The following INTS14 variants were observed in gnomAD, a reference collection of about 807,000 sequenced individuals.
INTS14 encodes UPF0464 protein C15orf44.
In INTS14, 27 loss-of-function variants were observed where a neutral mutation model predicts 56.9. That is an observed-to-expected ratio of 0.47 (90% CI 0.35 to 0.65). The LOEUF is 0.65. INTS14 is among the 30% of genes least tolerant of loss of function. The pLI is 0.00. For missense variants in INTS14, 517 were observed against 632.2 expected (o/e 0.82, Z 1.95); for synonymous variants, 207 against 236.2 (o/e 0.88, Z 1.13).
intron 11 of INTS14, 41 bp downstream of exon 11, chr15:65,581,913 G>T: frequency 6.3e-7 from 1 of 1,597,166 alleles, no homozygotes; most frequent in South Asian, 1.1e-5. Flanking sequence ...TTACTGTCGT[G>T]AACCATATAT....
intron 9 of INTS14, among the ~76,000 whole-genome samples, chr15:65,591,300 T>G (rs2141273707): frequency 6.6e-6 from 1 of 152,282 alleles, no homozygotes; most frequent in South Asian, 2.1e-4. Context: ...GACAGGAAAT[T>G]ACTTGAACTA....
chr15:65,579,643 C>A lies in INTS14; in HGVS notation c.1322G>T (p.Arg441Leu). Residue 441 changes from arginine to leucine, a missense_variant, in exon 12 of 12, where the codon CGA becomes CTA. Arg to Leu is a moderately radical substitution (Grantham distance 102). Transcript: ENST00000313182. The stretch of plus-strand genomic sequence containing the variant: ...GAAACCAAAGGCTAGAGCGGCCTTT[C>A]GCAAACGGTTCAGCTCCTGAAACAA... ...QTFYKELNRL[R>L]KAALAFGFLD... 6.2e-7 allele frequency: 1 copy of A among 1,613,784 alleles called. No homozygotes were observed. Among genetic ancestry groups the A allele is most frequent in the Admixed American group, 1.7e-5 (1 of 60,030 alleles).
At chr15:65,610,833 C>T in intron 1 of INTS14, 2 of 1,534,082 alleles carry the variant, frequency 1.3e-6, no homozygotes, top group Non-Finnish European at 1.7e-6. Context: ...ATCTGGAAGT[C>T]TCTCTTGGAA....
intron 10 of INTS14, 144 bp from the exon 11 acceptor site, chr15:65,582,163 T>A: frequency 1.4e-6 from 1 of 711,044 alleles, no homozygotes; most frequent in East Asian, 2.8e-5. Context: ...TCTGAGTTAA[T>A]GTCAGTTCAA....
In INTS14 at chr15:65,593,562, C is replaced by A; in HGVS notation, c.852G>T (p.Glu284Asp). ...LPIALNKEGDEVGTGITDDNE... is the reference protein window; with the variant it reads ...LPIALNKEGDDVGTGITDDNE... ...TGTCATCAGTGATGCCAGTACCCACCTCATCACCTTCTGTGAAAAAAAGAG... is the reference window on the plus strand; with the variant it reads ...TGTCATCAGTGATGCCAGTACCCACATCATCACCTTCTGTGAAAAAAAGAG... Residue 284 changes from glutamate to aspartate, a missense_variant, in exon 8 of 12, where the codon GAG (glutamate) becomes GAT (aspartate). By Grantham distance (45) the Glu-to-Asp change is conservative (BLOSUM62 2). Transcript: ENST00000313182. 1 of 1,608,740 alleles carries A rather than the reference C, an allele frequency of 6.2e-7. No individual in the cohort carries two copies. The highest frequency in any genetic ancestry group is 2.2e-5 in the East Asian group (1 of 44,832).
chr15:65,599,153 A>C (rs181426705), intron 4 of INTS14, among the ~76,000 whole-genome samples, 163 bp from the exon 5 acceptor site: 2 of 152,366 alleles, frequency 1.3e-5, no homozygotes, highest in Non-Finnish European at 2.9e-5. Context: ...TTTTGACTCA[A>C]GGTTACCAAA....
intron 6 of INTS14, among the ~76,000 whole-genome samples, chr15:65,597,699 C>G (rs1456928689): frequency 2.0e-5 from 3 of 152,192 alleles, no homozygotes; most frequent in Admixed American, 6.5e-5. Flanking sequence ...GGTCACATAT[C>G]AAGAGTCATA....
chr15:65,598,040 G>A (rs867003776), intron 6 of INTS14, among the ~76,000 whole-genome samples: 30 of 152,100 alleles, frequency 2.0e-4, no homozygotes, highest in Middle Eastern at 3.2e-3. Flanking sequence ...ACACATGCAC[G>A]AAGCTGACAC....
At chr15:65,579,775 T>G (rs965561028) in intron 11 of INTS14, 116 bp from the exon 12 acceptor site, 8 of 1,394,762 alleles carry the variant, frequency 5.7e-6, no homozygotes, top group Non-Finnish European at 7.6e-6. Context: ...CAATTTTATA[T>G]GAGAACAAAT....
chr15:65,602,109 C>G lies in INTS14; in HGVS notation c.331-2180G>C, dbSNP rs534571984. 2.6e-5 allele frequency among the ~76,000 whole-genome samples: 4 copies of G among 152,130 alleles called. No individual in the cohort carries two copies. The East Asian group carries it at 7.8e-4, about 30-fold the overall frequency. On this transcript the variant is annotated intron_variant, in intron 3 of 11. Coordinates refer to ENST00000313182, the MANE Select transcript of INTS14 (RefSeq NM_001394796.1). ...CACTTCTGTAGGGCGTGATGGCACACTCCTGCAGTCCCAGCTACTCATCAG... is the reference window on the plus strand; with the variant it reads ...CACTTCTGTAGGGCGTGATGGCACAGTCCTGCAGTCCCAGCTACTCATCAG...
At chr15:65,601,623 G>A (rs965915383) in intron 3 of INTS14, among the ~76,000 whole-genome samples, 14 of 152,134 alleles carry the variant, frequency 9.2e-5, no homozygotes, top group African/African-American at 3.1e-4. Context: ...TTACAGGCGT[G>A]AGCCACCGCG....
Position 65,598,912 on chromosome 15 carries a change from C to G in INTS14, c.565G>C (p.Asp189His). Residue 189 changes from aspartate (D) to histidine (H), a missense_variant, in exon 5 of 12, where the codon GAT (aspartate) becomes CAT (histidine). By Grantham distance (81) the Asp-to-His change is moderately conservative (BLOSUM62 -1). Coordinates refer to ENST00000313182, the MANE Select transcript of INTS14 (RefSeq NM_001394796.1). ...NNGEGQIFTI[D>H]GPLCLKNVQS... Reference sequence around the variant, plus strand: ...ACATTCTTCAAGCACAGGGGGCCATCAATAGTAAAAATCTGCCCTTCACCA... The same window carrying G: ...ACATTCTTCAAGCACAGGGGGCCATGAATAGTAAAAATCTGCCCTTCACCA... 1 of 1,613,946 alleles carries G rather than the reference C, an allele frequency of 6.2e-7. No individual in the cohort carries two copies.
chr15:65,601,530 A>G (rs2073433203), intron 3 of INTS14, among the ~76,000 whole-genome samples: 1 of 152,118 alleles, frequency 6.6e-6, no homozygotes, highest in South Asian at 2.1e-4. Context: ...TTTAGTAGAG[A>G]CGGGGTTTCA....
Position 65,591,581 on chromosome 15 carries a change from T to C in INTS14, c.1120+17A>G. ...GAAAACAAAGTCAGGATAAGTAAAATCTGATCTGGATTATACCTGAAATAG... is the reference window on the plus strand; with the variant it reads ...GAAAACAAAGTCAGGATAAGTAAAACCTGATCTGGATTATACCTGAAATAG... On this transcript the variant is annotated intron_variant, in intron 9 of 11. Coordinates refer to ENST00000313182, the MANE Select transcript of INTS14 (RefSeq NM_001394796.1). 1 of 1,609,974 alleles carries C rather than the reference T, an allele frequency of 6.2e-7. No individual in the cohort carries two copies. The highest frequency in any genetic ancestry group is 8.5e-7 in the Non-Finnish European group (1 of 1,178,582).
intron 9 of INTS14, 101 bp downstream of exon 9, chr15:65,591,497 G>T: frequency 6.8e-7 from 1 of 1,468,830 alleles, no homozygotes; most frequent in Non-Finnish European, 9.2e-7. Flanking sequence ...TGGCATACCA[G>T]TAAGGGAGAT....
intron 11 of INTS14, 110 bp from the exon 12 acceptor site, chr15:65,579,769 T>C: frequency 7.0e-7 from 1 of 1,421,892 alleles, no homozygotes; most frequent in South Asian, 1.5e-5. Context: ...AGGGAGCAAT[T>C]TTATATGAGA....
chr15:65,600,024 A>G, intron 3 of INTS14, 95 bp from the exon 4 acceptor site: 1 of 1,364,698 alleles, frequency 7.3e-7, no homozygotes, highest in Non-Finnish European at 9.9e-7. Context: ...AAGGGGCACC[A>G]GGGCTGGCTA....
intron 1 of INTS14, among the ~76,000 whole-genome samples, chr15:65,608,543 T>G (rs749513062): frequency 6.6e-6 from 1 of 152,094 alleles, no homozygotes; most frequent in African/African-American, 2.4e-5. Flanking sequence ...TGCTCATGGG[T>G]ATATAGCCTG....
chr15:65,579,755 C>T (rs547117203), intron 11 of INTS14, 96 bp from the exon 12 acceptor site: 1 of 1,466,560 alleles, frequency 6.8e-7, no homozygotes, highest in East Asian at 2.4e-5. Flanking sequence ...CTTGACTGAA[C>T]TTTAGGGAGC....
Sources: allele counts gnomAD v4.1 joint callset (sites outside exome capture counted in the v4.1 genomes callset), GRCh38; gene constraint gnomAD v4.1.1; transcripts MANE v1.5; gene names NCBI Gene and HGNC (gene_info 2026-07-23, HGNC 2026-07-21).